Variants in CADPS observed in about 807,000 individuals in gnomAD.
CADPS encodes the protein calcium-dependent secretion activator 1.
In CADPS, 57 loss-of-function variants were observed where a neutral mutation model predicts 167.3. The ratio of observed to expected loss-of-function variants is 0.34; its 90% CI spans 0.28 to 0.42. CADPS has a LOEUF of 0.42. Among genes scored for constraint, CADPS ranks in the 20% least tolerant of loss-of-function variants. The pLI is 1.00. For missense variants in CADPS, 1,414 were observed against 1,738.1 expected (o/e 0.81, Z 3.32); for synonymous variants, 676 against 635.3 (o/e 1.06, Z -0.96).
intron 3 of CADPS, among the ~76,000 whole-genome samples, chr3:62,723,498 T>C (rs887984738): frequency 6.6e-6 from 1 of 152,136 alleles, no homozygotes; most frequent in African/African-American, 2.4e-5. Flanking sequence ...GACTCTACTA[T>C]GCATTTGATC....
chr3:62,615,765 G>C (rs1374856497), intron 6 of CADPS, among the ~76,000 whole-genome samples: 1 of 152,082 alleles, frequency 6.6e-6, no homozygotes, highest in Non-Finnish European at 1.5e-5. Context: ...TGAGAAAGTG[G>C]AAGAAAAATG....
At chr3:62,435,046 T>C (rs1043295882) in intron 28 of CADPS, among the ~76,000 whole-genome samples, 1 of 152,154 alleles carries the variant, frequency 6.6e-6, no homozygotes, top group South Asian at 2.1e-4. Context: ...ATCTCGGAGA[T>C]ATATATTTTT....
At chr3:62,622,874 G>A (rs1280549875) in intron 6 of CADPS, among the ~76,000 whole-genome samples, 3 of 152,140 alleles carry the variant, frequency 2.0e-5, no homozygotes, top group African/African-American at 7.2e-5. Context: ...GCGCTTCCAA[G>A]TACATTTCCA....
At chr3:62,638,045 G>C (rs2066650246) in intron 6 of CADPS, among the ~76,000 whole-genome samples, 1 of 148,896 alleles carries the variant, frequency 6.7e-6, no homozygotes, top group Non-Finnish European at 1.5e-5. Flanking sequence ...TAGTCAATAG[G>C]ACTACTATCT....
chr3:62,608,607 G>A (rs1240076786), intron 6 of CADPS, among the ~76,000 whole-genome samples: 1 of 152,108 alleles, frequency 6.6e-6, no homozygotes, highest in Non-Finnish European at 1.5e-5. Flanking sequence ...TAATTAACTA[G>A]CTGATATAGG....
rs2051387877 is a variant in CADPS at position 62,421,536 on chromosome 3, C to T, written c.3777+16568G>A. Among the ~76,000 whole-genome samples, 1 of 152,216 alleles carries T rather than the reference C, an allele frequency of 6.6e-6. No individual in the cohort carries two copies. The highest frequency in any genetic ancestry group is 2.1e-4 in the South Asian group (1 of 4,832). On this transcript the variant is annotated intron_variant, in intron 28 of 29. Transcript: ENST00000383710. The surrounding 1 kb of genome is among the most constrained non-coding windows in gnomAD (Gnocchi z 4.7). ...GTCGAGCAAGTTAATCAAGCAAATG[C>T]CACCATATCCCACTTTCTATAAGGA...
intron 1 of CADPS, among the ~76,000 whole-genome samples, chr3:62,846,223 C>A (rs962499888): frequency 3.3e-5 from 5 of 152,024 alleles, no homozygotes; most frequent in African/African-American, 1.2e-4. Flanking sequence ...AATAAATTAC[C>A]CAGTCTCAGG....
chr3:62,789,457 G>A (rs903162143), intron 1 of CADPS, among the ~76,000 whole-genome samples: 1 of 152,144 alleles, frequency 6.6e-6, no homozygotes, highest in Non-Finnish European at 1.5e-5. Flanking sequence ...ATTGAAAATG[G>A]CAGGCCTGTT....
In CADPS at chr3:62,521,307, G is replaced by A. The variant is rs116170207; in HGVS notation, c.2292-3057C>T. On this transcript the variant is annotated intron_variant, in intron 13 of 29. Coordinates refer to ENST00000383710, the MANE Select transcript of CADPS (RefSeq NM_003716.4). Reference sequence around the variant, plus strand: ...TTCCTGATTTCTCTTAGGTTGGAGTGGATTTGGAACCCAAGATATTCTGCA... The same window carrying A: ...TTCCTGATTTCTCTTAGGTTGGAGTAGATTTGGAACCCAAGATATTCTGCA... 9.9e-3 allele frequency among the ~76,000 whole-genome samples: 1,511 copies of A among 152,196 alleles called. 16 individuals carry two copies. Among genetic ancestry groups the A allele is most frequent in the African/African-American group, 0.035 (1,440 of 41,510 alleles).
chr3:62,499,189 A>T lies in CADPS; in HGVS notation c.2679T>A (p.Leu893=). The part of the protein sequence containing the change: ...IRLAELVIEV[L]QQNEEHHAEP... The stretch of plus-strand genomic sequence containing the variant: ...CTGCGTGGTGCTCCTCATTTTGCTG[A>T]AGAACTTCAATGACTAGTTCAGCAA... Residue 893 remains leucine, a synonymous_variant, in exon 18 of 30, where the codon CTT becomes CTA. Transcript: ENST00000383710. 6.2e-7 allele frequency: 1 copy of T among 1,613,540 alleles called. No homozygotes were observed. Among genetic ancestry groups the T allele is most frequent in the East Asian group, 2.2e-5 (1 of 44,852 alleles).
intron 3 of CADPS, among the ~76,000 whole-genome samples, chr3:62,720,791 A>T (rs1253552426): frequency 6.7e-6 from 1 of 150,056 alleles, no homozygotes; most frequent in South Asian, 2.1e-4. Flanking sequence ...CATTCTTTCC[A>T]TATTGTCCAT....
chr3:62,643,665 C>A (rs2067913626), intron 6 of CADPS, among the ~76,000 whole-genome samples: 1 of 152,192 alleles, frequency 6.6e-6, no homozygotes, highest in Non-Finnish European at 1.5e-5. Context: ...TCGAATGTTA[C>A]AAACTATGTT....
intron 3 of CADPS, among the ~76,000 whole-genome samples, chr3:62,741,450 G>A (rs2080225133): frequency 6.6e-6 from 1 of 152,122 alleles, no homozygotes; most frequent in Non-Finnish European, 1.5e-5. Flanking sequence ...TTCAACCTGG[G>A]ATGCAAGTTT....
rs1344303217 is a variant in CADPS, at chr3:62,738,702, G to GTTGTAGCATT, written c.888+14738_888+14739insAATGCTACAA. Among the ~76,000 whole-genome samples the GTTGTAGCATT allele has an allele frequency of 3.3e-5, 5 of 151,980 alleles. No individual in the cohort carries two copies. The East Asian group carries it at 9.7e-4, about 29-fold the overall frequency. On this transcript the variant is annotated intron_variant, in intron 3 of 29. Coordinates refer to ENST00000383710, the MANE Select transcript of CADPS (RefSeq NM_003716.4). ...GATTGTAGCATTGCACTCTAGCCTG[G>GTTGTAGCATT]GCAACAAGAGTGAAACTCCGTCTCA... is the stretch of plus-strand genomic sequence containing the variant.
chr3:62,487,597 T>C (rs1008751882), intron 21 of CADPS, among the ~76,000 whole-genome samples: 1 of 152,258 alleles, frequency 6.6e-6, no homozygotes, highest in Non-Finnish European at 1.5e-5. Context: ...TGACTGTGTC[T>C]GGCTTAACGG....
chr3:62,452,894 G>A (rs577372486), intron 26 of CADPS, among the ~76,000 whole-genome samples: 14 of 151,924 alleles, frequency 9.2e-5, no homozygotes, highest in Non-Finnish European at 2.1e-4. Flanking sequence ...CAGGAGGATT[G>A]CTTGAAACCA....
chr3:62,777,283 A>C (rs1398192419), intron 1 of CADPS, among the ~76,000 whole-genome samples: 1 of 152,222 alleles, frequency 6.6e-6, no homozygotes, highest in Non-Finnish European at 1.5e-5. Context: ...ACAAACTGTG[A>C]CCATGAGCTT....
intron 1 of CADPS, among the ~76,000 whole-genome samples, chr3:62,830,994 T>A (rs2074971786): frequency 6.6e-6 from 1 of 152,162 alleles, no homozygotes; most frequent in South Asian, 2.1e-4. Context: ...ATTATTCCAT[T>A]TCCTAGACAT....
intron 1 of CADPS, among the ~76,000 whole-genome samples, chr3:62,873,354 A>G (rs142960335): frequency 6.6e-6 from 1 of 152,312 alleles, no homozygotes; most frequent in African/African-American, 2.4e-5. Context: ...AAGATTCACT[A>G]TTTTCAGACA....
Sources: allele counts gnomAD v4.1 joint callset (sites outside exome capture counted in the v4.1 genomes callset), GRCh38; gene constraint gnomAD v4.1.1; non-coding constraint Gnocchi (gnomAD v3.1); transcripts MANE v1.5; gene names NCBI Gene and HGNC (gene_info 2026-07-23, HGNC 2026-07-21).